Variants in AGBL4 observed in about 807,000 individuals in gnomAD.
AGBL4 encodes cytosolic carboxypeptidase 6.
A neutral mutation model predicts 66.4 loss-of-function variants in AGBL4; 58 were observed. The ratio of observed to expected loss-of-function variants is 0.87; its 90% confidence interval spans 0.71 to 1.09. The LOEUF is 1.09. Among genes scored for constraint, AGBL4 ranks in the 50% least tolerant of loss-of-function variants. AGBL4 has a pLI of 0.00. For synonymous variants in AGBL4, 234 were observed against 222.9 expected (o/e 1.05, Z -0.44); for missense variants, 579 against 631.0 (o/e 0.92, Z 0.88).
At chr1:49,247,898 G>T (rs1394075056) in intron 3 of AGBL4, among the ~76,000 whole-genome samples, 3 of 152,074 alleles carry the variant, frequency 2.0e-5, no homozygotes, top group Non-Finnish European at 2.9e-5. Flanking sequence ...AAACAAAGTG[G>T]CTTGCCCTCC....
intron 4 of AGBL4, among the ~76,000 whole-genome samples, chr1:49,243,058 T>TAC (rs1041726453): frequency 2.0e-5 from 3 of 151,078 alleles, no homozygotes; most frequent in African/African-American, 4.8e-5. Flanking sequence ...TATATATATA[T>TAC]ACACACACAT....
intron 5 of AGBL4, among the ~76,000 whole-genome samples, chr1:48,887,695 T>A (rs1030689549): frequency 6.6e-6 from 1 of 152,146 alleles, no homozygotes; most frequent in Admixed American, 6.5e-5. Context: ...ACTTTGCTTT[T>A]CAAGATCCGA....
intron 5 of AGBL4, among the ~76,000 whole-genome samples, chr1:48,920,463 T>A (rs1270062727): frequency 6.6e-6 from 1 of 152,172 alleles, no homozygotes. Context: ...GAGTTTACGC[T>A]CCTATCCATA....
At chr1:48,764,808 G>T (rs72904857) in intron 6 of AGBL4, among the ~76,000 whole-genome samples, 2,007 of 152,310 alleles carry the variant, frequency 0.013, 37 homozygotes, top group African/African-American at 0.042. Flanking sequence ...AATGTTCCTT[G>T]AAAACAATAG....
intron 5 of AGBL4, among the ~76,000 whole-genome samples, chr1:48,905,861 T>C (rs1652536932): frequency 2.0e-5 from 3 of 152,226 alleles, no homozygotes; most frequent in Non-Finnish European, 2.9e-5. Context: ...CAATGCCTAG[T>C]AGTATTCATC....
At chr1:49,591,157 T>A (rs1182403960) in intron 3 of AGBL4, among the ~76,000 whole-genome samples, 1 of 151,822 alleles carries the variant, frequency 6.6e-6, no homozygotes, top group Admixed American at 6.6e-5. Context: ...CAATTGAGAT[T>A]AGGTGGGAGG....
intron 5 of AGBL4, among the ~76,000 whole-genome samples, chr1:48,959,871 T>C (rs1657810200): frequency 6.6e-6 from 1 of 152,216 alleles, no homozygotes; most frequent in Non-Finnish European, 1.5e-5. Flanking sequence ...AAACAGATCA[T>C]GTAGGGCCTT....
chr1:49,149,338 G>A (rs892022970), intron 4 of AGBL4, among the ~76,000 whole-genome samples: 40 of 152,124 alleles, frequency 2.6e-4, no homozygotes, highest in African/African-American at 8.5e-4. Context: ...GGTCTCTTGG[G>A]CCATTAATGA....
At chr1:49,691,094 G>C (rs1255905174) in intron 3 of AGBL4, among the ~76,000 whole-genome samples, 2 of 152,066 alleles carry the variant, frequency 1.3e-5, no homozygotes, top group Non-Finnish European at 2.9e-5. Flanking sequence ...AGGATAAACA[G>C]GAGAAAAGGA....
At position 49,758,275 on chromosome 1, in the gene AGBL4, T is replaced by A. The variant is rs116855765; in HGVS notation, c.158-60838A>T. Reference sequence around the variant, plus strand: ...GTCCAGGCAGAACTTTTGCTGTGGGTAGGGAGAGCTCTCATGGAGAACCTC... The same window carrying A: ...GTCCAGGCAGAACTTTTGCTGTGGGAAGGGAGAGCTCTCATGGAGAACCTC... On this transcript the variant is annotated intron_variant, in intron 2 of 13. Coordinates refer to ENST00000371839, the MANE Select transcript of AGBL4 (RefSeq NM_032785.4). 7.9e-4 allele frequency among the ~76,000 whole-genome samples: 120 copies of A among 152,186 alleles called. 2 individuals carry two copies. The East Asian group carries it at 0.019, about 24-fold the overall frequency.
At chr1:49,307,072 C>A (rs538619164) in intron 3 of AGBL4, among the ~76,000 whole-genome samples, 1 of 152,112 alleles carries the variant, frequency 6.6e-6, no homozygotes, top group Non-Finnish European at 1.5e-5. Context: ...ATTGCAATAC[C>A]AGGTAAAGTT....
chr1:49,158,193 G>T (rs1182715085), intron 4 of AGBL4, among the ~76,000 whole-genome samples: 1 of 152,076 alleles, frequency 6.6e-6, no homozygotes, highest in Non-Finnish European at 1.5e-5. Context: ...ATGGATTAAA[G>T]ACTTAAATGT....
At chr1:49,114,758 G>C (rs988033627) in intron 4 of AGBL4, among the ~76,000 whole-genome samples, 4 of 152,140 alleles carry the variant, frequency 2.6e-5, no homozygotes, top group Non-Finnish European at 5.9e-5. Flanking sequence ...ACAGGGGCCT[G>C]AGGTGAGGAA....
chr1:49,842,766 A>G (rs1440149088), intron 2 of AGBL4, among the ~76,000 whole-genome samples: 4 of 151,980 alleles, frequency 2.6e-5, no homozygotes, highest in Admixed American at 2.0e-4. Context: ...GATGAGGGAT[A>G]GCCTCTCTAA....
At chr1:49,700,925 G>C (rs1647078210) in intron 2 of AGBL4, among the ~76,000 whole-genome samples, 2 of 151,752 alleles carry the variant, frequency 1.3e-5, no homozygotes, top group African/African-American at 4.8e-5. Flanking sequence ...AAAAAGAACA[G>C]AAAATGTTAA....
chr1:49,002,358 T>G (rs775606506), intron 5 of AGBL4, among the ~76,000 whole-genome samples: 53 of 152,192 alleles, frequency 3.5e-4, no homozygotes, highest in South Asian at 1.2e-3. Context: ...CACTGGAAGT[T>G]GAAATAATTA....
intron 1 of AGBL4, among the ~76,000 whole-genome samples, chr1:50,011,148 T>G (rs1281199215): frequency 6.6e-6 from 1 of 152,020 alleles, no homozygotes; most frequent in Non-Finnish European, 1.5e-5. Flanking sequence ...GTTAAAGAGA[T>G]TAATAACAAG....
rs187140785 is a variant in AGBL4, at chr1:49,901,787, T to A, written c.35-50269A>T. The stretch of plus-strand genomic sequence containing the variant: ...GGCATCACATTATCCAACTTCAAAC[T>A]ATATTTCAAGGCCACAGTAACCAAA... On this transcript the variant is annotated intron_variant, in intron 1 of 13. Coordinates refer to ENST00000371839, the MANE Select transcript of AGBL4 (RefSeq NM_032785.4). 5.3e-5 allele frequency among the ~76,000 whole-genome samples: 8 copies of A among 152,298 alleles called. No individual in the cohort carries two copies. In the East Asian group the frequency reaches 1.5e-3, roughly 29 times the overall value.
chr1:49,052,811 G>A (rs1644244074), intron 4 of AGBL4, among the ~76,000 whole-genome samples: 1 of 152,186 alleles, frequency 6.6e-6, no homozygotes. Flanking sequence ...GAATGAATGA[G>A]TAAATAAGTC....
Sources: allele counts gnomAD v4.1 joint callset (sites outside exome capture counted in the v4.1 genomes callset), GRCh38; gene constraint gnomAD v4.1.1; transcripts MANE v1.5; gene names NCBI Gene and HGNC (gene_info 2026-07-23, HGNC 2026-07-21).